FOCAD: variants seen among roughly 807,000 people sequenced by gnomAD.
FOCAD encodes KIAA1797.
Under a neutral mutation model 225.6 loss-of-function variants are expected in FOCAD, and 198 were observed. That is an observed-to-expected ratio of 0.88 (90% CI 0.78 to 0.99). The LOEUF (loss-of-function observed/expected upper bound fraction) is 0.99, where lower values mean the gene tolerates loss of function less well. Among genes scored for constraint, FOCAD ranks in the 50% least tolerant of loss-of-function variants. The pLI is 0.00. For missense variants in FOCAD, 2,713 were observed against 2,123.6 expected, an observed-to-expected ratio of 1.28 and a Z score of -5.46; for synonymous variants, 897 against 755.0, an observed-to-expected ratio of 1.19 and a Z score of -3.08.
At chr9:20,663,063 A>ACAG (rs1821782471) in intron 2 of FOCAD, among the ~76,000 whole-genome samples, 1 of 152,110 alleles carries the variant, frequency 6.6e-6, no homozygotes, top group African/African-American at 2.4e-5. Context: ...TTTACTTCTG[A>ACAG]TAATATCAAG....
chr9:20,816,818 A>C (rs1587283818), intron 11 of FOCAD, among the ~76,000 whole-genome samples: 1 of 152,162 alleles, frequency 6.6e-6, no homozygotes, highest in African/African-American at 2.4e-5. Context: ...TTTAGCAATA[A>C]AGATAATATG....
rs1829333185 is a variant in FOCAD, at chr9:20,866,924, TCTAGGACCCAA to T, written c.2107-4_2113del. ...TTTTTTTTTTTTTTTTTTTACCCTA[TCTAGGACCCAA>T]TTGTAGCAAATGCTGCATATAGATC... On this transcript the variant is annotated splice_acceptor_variant and splice_polypyrimidine_tract_variant and coding_sequence_variant and intron_variant, in exon 18 of 44. Transcript: ENST00000338382. LOFTEE classifies it high-confidence loss of function. The T allele has an allele frequency of 1.8e-6, 1 of 549,382 alleles. No homozygotes were observed. The highest frequency in any genetic ancestry group is 2.3e-5 in the African/African-American group (1 of 43,712). 34.0% of individuals were successfully genotyped at this position (549,382 alleles called of 1,614,324 possible).
intron 9 of FOCAD, among the ~76,000 whole-genome samples, chr9:20,781,199 C>G (rs1819325873): frequency 6.6e-6 from 1 of 152,096 alleles, no homozygotes; most frequent in African/African-American, 2.4e-5. Context: ...GTTAAAGAAC[C>G]ATTCACTAAT....
chr9:20,960,479 T>G (rs1298687062), intron 35 of FOCAD, among the ~76,000 whole-genome samples: 1 of 152,220 alleles, frequency 6.6e-6, no homozygotes, highest in Non-Finnish European at 1.5e-5. Flanking sequence ...ATATTCTATT[T>G]TCATCCTATT....
At chr9:20,814,207 G>C (rs532789021) in intron 11 of FOCAD, among the ~76,000 whole-genome samples, 60 of 152,126 alleles carry the variant, frequency 3.9e-4, no homozygotes, top group African/African-American at 1.4e-3. Flanking sequence ...TGGTAGGAAA[G>C]GACTTACTAT....
Position 20,740,248 on chromosome 9 carries a change from C to T in FOCAD, c.300C>T (p.Gly100=), listed in dbSNP as rs916517640. The change falls in exon 5 of 44, where the codon GGC becomes GGT. Residue 100 remains glycine (G), a synonymous_variant. Transcript: ENST00000338382. ...NLIPSTRNTH[G]LIKAIMHLLQ... Reference sequence around the variant, plus strand: ...TATTTCTTTGCAGAAATACACATGGCTTGATAAAAGCCATTATGCACTTAC... The same window carrying T: ...TATTTCTTTGCAGAAATACACATGGTTTGATAAAAGCCATTATGCACTTAC... 6.2e-7 allele frequency: 1 copy of T among 1,602,066 alleles called. No homozygotes were observed. The highest frequency in any genetic ancestry group is 1.3e-5 in the African/African-American group (1 of 74,496).
intron 8 of FOCAD, among the ~76,000 whole-genome samples, chr9:20,771,920 G>C (rs925867346): frequency 6.6e-6 from 1 of 152,162 alleles, no homozygotes; most frequent in African/African-American, 2.4e-5. Context: ...GTCTTATGAG[G>C]ATACTATCCA....
In FOCAD at chr9:20,982,421, C is replaced by T. The variant is rs768566687; in HGVS notation, c.4703C>T (p.Ala1568Val). 5.0e-6 allele frequency: 8 copies of T among 1,613,608 alleles called. No individual in the cohort carries two copies. The highest frequency in any genetic ancestry group is 1.7e-5 in the Admixed American group (1 of 60,016). Residue 1568 changes from alanine (A) to valine (V), a missense_variant, in exon 39 of 44, where the codon GCC becomes GTC. By Grantham distance (64) the Ala-to-Val change is moderately conservative (BLOSUM62 0). Transcript: ENST00000338382. ...KCLLEMTDDDANRIAQVTKSN... is the reference protein window; with the variant it reads ...KCLLEMTDDDVNRIAQVTKSN... ...CTCTTAGAAATGACAGATGATGATGCCAATCGGATCGCCCAGGTTACTAAG... is the reference window on the plus strand; with the variant it reads ...CTCTTAGAAATGACAGATGATGATGTCAATCGGATCGCCCAGGTTACTAAG...
chr9:20,849,852 C>T lies in FOCAD; in HGVS notation c.1921-12726C>T, dbSNP rs138700685. Among the ~76,000 whole-genome samples, 343 of 151,940 alleles carry T rather than the reference C, an allele frequency of 2.3e-3. 10 individuals are homozygous for T. In the East Asian group the frequency reaches 0.044, roughly 20 times the overall value. On this transcript the variant is annotated intron_variant, in intron 15 of 43. Coordinates refer to ENST00000338382, the MANE Select transcript of FOCAD (RefSeq NM_001375567.1). Reference sequence around the variant, plus strand: ...TCCTTTCTACTCTGCAAAAAGAAGGCCTATCTCTACTTGTAAATCTTTCTT... The same window carrying T: ...TCCTTTCTACTCTGCAAAAAGAAGGTCTATCTCTACTTGTAAATCTTTCTT...
chr9:20,781,753 G>C lies in FOCAD; in HGVS notation c.1021G>C (p.Asp341His), dbSNP rs1185375573. ...LALKLLSVTEDQKIPKSSLLL... is the reference protein window; with the variant it reads ...LALKLLSVTEHQKIPKSSLLL... ...TTTGAAGCTCCTCTCTGTTACTGAG[G>C]ATCAGAAAATCCCAAAGTCCTCTCT... The change falls in exon 10 of 44, where the codon GAT (aspartate) becomes CAT (histidine). Residue 341 changes from aspartate to histidine, a missense_variant. Physicochemically the swap from Asp to His is moderately conservative, Grantham distance 81. Transcript: ENST00000338382. The C allele has an allele frequency of 6.2e-7, 1 of 1,613,816 alleles. No individual in the cohort carries two copies. The highest frequency in any genetic ancestry group is 8.5e-7 in the Non-Finnish European group (1 of 1,179,952).
intron 8 of FOCAD, 24 bp from the exon 9 acceptor site, chr9:20,778,657 C>T (rs367686596): frequency 7.1e-7 from 1 of 1,401,348 alleles, no homozygotes; most frequent in Non-Finnish European, 1.0e-6. Flanking sequence ...TTAACAACTC[C>T]TTTTTCCCCC....
chr9:20,938,473 C>T (rs761392021), intron 28 of FOCAD, among the ~76,000 whole-genome samples: 29 of 151,940 alleles, frequency 1.9e-4, no homozygotes, highest in African/African-American at 6.5e-4. Flanking sequence ...AGCAAACTGT[C>T]GCAAGGACAA....
intron 21 of FOCAD, among the ~76,000 whole-genome samples, chr9:20,900,049 C>G (rs1832430778): frequency 6.6e-6 from 1 of 151,916 alleles, no homozygotes. Flanking sequence ...ATACCTACTT[C>G]TCATCCTGAG....
At chr9:20,962,417 CACATACATACAT>C (rs60723308) in intron 35 of FOCAD, among the ~76,000 whole-genome samples, 8 of 149,086 alleles carry the variant, frequency 5.4e-5, no homozygotes, top group South Asian at 2.1e-4. Context: ...TATACACACA[CACATACATACAT>C]ACATACATAC....
intron 1 of FOCAD, among the ~76,000 whole-genome samples, chr9:20,707,762 C>G (rs920895041): frequency 5.3e-5 from 8 of 152,034 alleles, no homozygotes; most frequent in African/African-American, 1.9e-4. Flanking sequence ...ATAAGTGGAC[C>G]TTTTCTCAAG....
At chr9:20,739,149 A>G (rs1009556384) in intron 4 of FOCAD, among the ~76,000 whole-genome samples, 3 of 152,198 alleles carry the variant, frequency 2.0e-5, no homozygotes, top group Non-Finnish European at 4.4e-5. Context: ...AATGCCACAA[A>G]TGATACCTAA....
chr9:20,992,036 T>A (rs1005851049), intron 42 of FOCAD, among the ~76,000 whole-genome samples: 13 of 152,256 alleles, frequency 8.5e-5, no homozygotes, highest in African/African-American at 3.1e-4. Context: ...ATTAGGAATA[T>A]TTTCTTTTTC....
chr9:20,988,982 A>G (rs974256737), intron 41 of FOCAD, among the ~76,000 whole-genome samples: 2 of 152,204 alleles, frequency 1.3e-5, no homozygotes, highest in Admixed American at 6.5e-5. Flanking sequence ...CCTATGACTC[A>G]AAAAAAGTAA....
intron 15 of FOCAD, among the ~76,000 whole-genome samples, chr9:20,828,541 A>G (rs1825148067): frequency 6.6e-6 from 1 of 152,096 alleles, no homozygotes; most frequent in Non-Finnish European, 1.5e-5. Flanking sequence ...GCAATTTTAC[A>G]TTTGCACCAG....
Sources: allele counts gnomAD v4.1 joint callset (sites outside exome capture counted in the v4.1 genomes callset), GRCh38; gene constraint gnomAD v4.1.1; transcripts MANE v1.5; gene names NCBI Gene and HGNC (gene_info 2026-07-23, HGNC 2026-07-21).